SLC16A7: variants seen among roughly 807,000 people sequenced by gnomAD.
SLC16A7 encodes the protein solute carrier family 16 member 7, also known as monocarboxylate transporter 2.
In SLC16A7, 33 loss-of-function variants were observed where a neutral mutation model predicts 34.9. That is an observed-to-expected ratio of 0.94 (90% CI 0.72 to 1.26). The LOEUF (loss-of-function observed/expected upper bound fraction) is 1.26, where lower values mean the gene tolerates loss of function less well. Ranked by LOEUF, SLC16A7 falls within the 50% of genes most tolerant of loss-of-function variation. The pLI, the probability that SLC16A7 is intolerant of heterozygous loss-of-function variation, is 0.00. For missense variants in SLC16A7, 573 were observed against 578.1 expected, an observed-to-expected ratio of 0.99 and a Z score of 0.09; for synonymous variants, 201 against 206.6, an observed-to-expected ratio of 0.97 and a Z score of 0.23.
At chr12:59,671,413 T>C (rs775962814) in intron 2 of SLC16A7, among the ~76,000 whole-genome samples, 31 of 152,096 alleles carry the variant, frequency 2.0e-4, no homozygotes, top group Non-Finnish European at 3.2e-4. Flanking sequence ...TTTTGACTCT[T>C]ATGTATCATG....
At chr12:59,743,105 T>C (rs1338248184) in intron 3 of SLC16A7, among the ~76,000 whole-genome samples, 1 of 152,212 alleles carries the variant, frequency 6.6e-6, no homozygotes, top group African/African-American at 2.4e-5. Context: ...AAAATGCATA[T>C]GAATATCAGT....
At chr12:59,679,619 A>C (rs1870590258) in intron 2 of SLC16A7, among the ~76,000 whole-genome samples, 1 of 152,164 alleles carries the variant, frequency 6.6e-6, no homozygotes. Flanking sequence ...ATATGATGTA[A>C]TTATCTACTT....
rs189916561 is a variant in SLC16A7, at chr12:59,662,817, A to G, written c.-31+7567A>G. On this transcript the variant is annotated intron_variant, in intron 2 of 5. Transcript: ENST00000547379. ...TTTGCTATGTGTTTTACACCAGCAA[A>G]CATTAATCCATAATTTGCTGCTTTA... Among the ~76,000 whole-genome samples, 61 of 152,250 alleles carry G rather than the reference A, an allele frequency of 4.0e-4. 1 individual carries two copies. In the East Asian group the frequency reaches 9.5e-3, roughly 24 times the overall value.
At chr12:59,688,921 A>G (rs1166113770) in intron 2 of SLC16A7, among the ~76,000 whole-genome samples, 1 of 152,008 alleles carries the variant, frequency 6.6e-6, no homozygotes, top group Non-Finnish European at 1.5e-5. Context: ...TAATTTAAGT[A>G]CTGTATATAT....
At chr12:59,741,148 A>G (rs1280402197) in intron 3 of SLC16A7, among the ~76,000 whole-genome samples, 1 of 152,140 alleles carries the variant, frequency 6.6e-6, no homozygotes, top group Non-Finnish European at 1.5e-5. Flanking sequence ...AAGGTAATTT[A>G]TAGATTCAAT....
intron 3 of SLC16A7, among the ~76,000 whole-genome samples, chr12:59,726,274 A>G (rs1221225630): frequency 6.6e-6 from 1 of 152,176 alleles, no homozygotes; most frequent in Admixed American, 6.6e-5. Context: ...TGGGAATATA[A>G]AGAATGGCTA....
intron 2 of SLC16A7, among the ~76,000 whole-genome samples, chr12:59,671,415 T>C (rs1182442970): frequency 1.3e-5 from 2 of 152,084 alleles, no homozygotes; most frequent in East Asian, 1.9e-4. Context: ...TTGACTCTTA[T>C]GTATCATGCT....
rs1480737317 is a variant in SLC16A7, at chr12:59,780,330, C to G, written c.*651C>G. On this transcript the variant is annotated 3_prime_UTR_variant, in exon 6 of 6. Transcript: ENST00000547379. ...CACATGGGTAAAAATGAGGGTGATC[C>G]TTATTCAAAAATAACATCTGACTAC... 3 of 151,908 alleles carry G rather than the reference C, an allele frequency of 2.0e-5. No individual in the cohort carries two copies. Among genetic ancestry groups the G allele is most frequent in the African/African-American group, 7.3e-5 (3 of 41,372 alleles). 9.4% of individuals were successfully genotyped at this position (151,908 alleles called of 1,614,324 possible). A position where few individuals can be genotyped will look rare whatever the true frequency, so the allele number is the denominator to read the frequency against.
At chr12:59,599,414 C>A (rs377624008) in intron 1 of SLC16A7, among the ~76,000 whole-genome samples, 1 of 152,088 alleles carries the variant, frequency 6.6e-6, no homozygotes, top group African/African-American at 2.4e-5. Context: ...GGAAAATATT[C>A]TCTTTGGTTT....
intron 3 of SLC16A7, among the ~76,000 whole-genome samples, chr12:59,768,860 C>T (rs1881944253): frequency 6.6e-6 from 1 of 151,940 alleles, no homozygotes; most frequent in South Asian, 2.1e-4. Context: ...AATAGCCAGG[C>T]ATGGTGGCAC....
chr12:59,776,079 G>T (rs1882732138), intron 5 of SLC16A7, among the ~76,000 whole-genome samples: 1 of 152,100 alleles, frequency 6.6e-6, no homozygotes, highest in Admixed American at 6.6e-5. Context: ...ATTACCTTCA[G>T]ATTTTAAGAT....
intron 2 of SLC16A7, among the ~76,000 whole-genome samples, chr12:59,660,541 C>CA (rs201006070): frequency 0.29 from 32,132 of 111,296 alleles, 3,959 homozygotes; most frequent in East Asian, 0.63. Flanking sequence ...CTTGTCTCTA[C>CA]AAAAAAAAAA....
At chr12:59,734,191 G>A (rs1261065399) in intron 3 of SLC16A7, 1 of 207,994 alleles carries the variant, frequency 4.8e-6, no homozygotes, top group African/African-American at 2.3e-5. Context: ...CACCCAGGTA[G>A]GGGCACCTGC....
Position 59,787,518 on chromosome 12 carries a change from A to G in SLC16A7, c.*7839A>G, listed in dbSNP as rs1203050439. On this transcript the variant is annotated 3_prime_UTR_variant, in exon 6 of 6. Coordinates refer to ENST00000547379, the MANE Select transcript of SLC16A7 (RefSeq NM_001270623.2). ...TTTCTAAACTTTCTCCTTTATTCCCATGTAGAGAACAAACAAAAATCACAC... is the reference window on the plus strand; with the variant it reads ...TTTCTAAACTTTCTCCTTTATTCCCGTGTAGAGAACAAACAAAAATCACAC... 1 of 152,046 alleles carries G rather than the reference A, an allele frequency of 6.6e-6. No individual in the cohort carries two copies. Among genetic ancestry groups the G allele is most frequent in the African/African-American group, 2.4e-5 (1 of 41,400 alleles). The allele number at this position is 152,046 out of a possible 1,614,324, so 9.4% of individuals were successfully genotyped here.
At chr12:59,685,163 C>A (rs926695708) in intron 2 of SLC16A7, among the ~76,000 whole-genome samples, 1 of 152,122 alleles carries the variant, frequency 6.6e-6, no homozygotes, top group African/African-American at 2.4e-5. Context: ...TTTAGCAGCT[C>A]CTATAGCTTT....
At chr12:59,737,375 G>A (rs968210953) in intron 3 of SLC16A7, among the ~76,000 whole-genome samples, 8 of 152,202 alleles carry the variant, frequency 5.3e-5, no homozygotes, top group African/African-American at 1.9e-4. Context: ...AGGAATTTCA[G>A]ACCAGTTTAT....
At chr12:59,723,120 G>A (rs1693600) in intron 3 of SLC16A7, among the ~76,000 whole-genome samples, 1 of 151,640 alleles carries the variant, frequency 6.6e-6, no homozygotes, top group Non-Finnish European at 1.5e-5. Context: ...GTTCATTGCT[G>A]TATTCCTAGA....
chr12:59,642,075 C>G (rs1236710064), intron 1 of SLC16A7, among the ~76,000 whole-genome samples: 1 of 151,972 alleles, frequency 6.6e-6, no homozygotes, highest in Non-Finnish European at 1.5e-5. Flanking sequence ...TAAACACAAT[C>G]TAAATTAAGT....
chr12:59,669,886 T>C (rs567860817), intron 2 of SLC16A7, among the ~76,000 whole-genome samples: 54 of 152,320 alleles, frequency 3.5e-4, no homozygotes, highest in Non-Finnish European at 7.3e-4. Context: ...ATGCTTACCT[T>C]CCTTGTCTAG....
Sources: allele counts gnomAD v4.1 joint callset (sites outside exome capture counted in the v4.1 genomes callset), GRCh38; gene constraint gnomAD v4.1.1; transcripts MANE v1.5; gene names NCBI Gene and HGNC (gene_info 2026-07-23, HGNC 2026-07-21).